DSC2: variants seen among roughly 807,000 people sequenced by gnomAD.
DSC2 encodes desmocollin 2.
DSC2 carries 51 observed loss-of-function variants against 87.6 expected under a neutral mutation model. The ratio of observed to expected loss-of-function variants is 0.58; its 90% CI spans 0.46 to 0.74. The LOEUF (loss-of-function observed/expected upper bound fraction) is 0.74. DSC2 is among the 30% of genes least tolerant of loss of function. DSC2 has a pLI of 0.00. For missense variants in DSC2, 1,066 were observed against 1,089.5 expected, an observed-to-expected ratio of 0.98 and a Z score of 0.30; for synonymous variants, 383 against 393.2, an observed-to-expected ratio of 0.97 and a Z score of 0.31.
chr18:31,081,652 C>G (rs1987223198), intron 9 of DSC2, among the ~76,000 whole-genome samples: 1 of 152,122 alleles, frequency 6.6e-6, no homozygotes, highest in Non-Finnish European at 1.5e-5. Flanking sequence ...AAAGATGCAG[C>G]AGAAATAAGT....
intron 12 of DSC2, among the ~76,000 whole-genome samples, chr18:31,072,863 T>G (rs1429076079): frequency 6.6e-6 from 1 of 152,212 alleles, no homozygotes; most frequent in African/African-American, 2.4e-5. Flanking sequence ...ATGGTTAACC[T>G]GTTAAGTCTA....
At chr18:31,090,439 G>A (rs1987552829) in intron 4 of DSC2, among the ~76,000 whole-genome samples, 1 of 152,228 alleles carries the variant, frequency 6.6e-6, no homozygotes, top group South Asian at 2.1e-4. Flanking sequence ...CAGAGAAAAA[G>A]AGCCAGGTAT....
rs1987447409 is a variant in DSC2, at chr18:31,087,698, G to T, written c.746C>A (p.Thr249Asn). 7 of 1,613,096 alleles carry T rather than the reference G, an allele frequency of 4.3e-6. No homozygotes were observed. Among genetic ancestry groups the T allele is most frequent in the Admixed American group, 1.7e-5 (1 of 59,988 alleles). Residue 249 changes from threonine (T) to asparagine (N), a missense_variant, in exon 6 of 16, where the codon ACT becomes AAT. Physicochemically the swap from Thr to Asn is moderately conservative, Grantham distance 65 (BLOSUM62 0). Coordinates refer to ENST00000280904, the MANE Select transcript of DSC2 (RefSeq NM_024422.6). ...TCTGCAATTTTCAAAAATTGTAAAA[G>T]TATAAGTTTCTTCTGTAAAAATTGG... is the stretch of plus-strand genomic sequence containing the variant. Reference protein sequence around the residue: ...NYPIFTEETYTFTIFENCRVG... With the variant: ...NYPIFTEETYNFTIFENCRVG...
Position 31,102,201 on chromosome 18 carries a change from G to A in DSC2, c.-230C>T. The stretch of plus-strand genomic sequence containing the variant: ...GGAGGGGCTCCAGACGCGTCCAAAA[G>A]ACACCGATCGGCCCCTCCTTGTTGT... On this transcript the variant is annotated 5_prime_UTR_variant, in exon 1 of 16. Transcript: ENST00000280904. 1 of 449,162 alleles carries A rather than the reference G, an allele frequency of 2.2e-6. No individual in the cohort carries two copies. Among genetic ancestry groups the A allele is most frequent in the Non-Finnish European group, 3.9e-6 (1 of 257,066 alleles). The allele number at this position is 449,162 out of a possible 1,614,324, so 27.8% of individuals were successfully genotyped here.
At chr18:31,087,592 T>C (rs1219096729) in intron 6 of DSC2, 77 bp downstream of exon 6, 9 of 1,510,140 alleles carry the variant, frequency 6.0e-6, no homozygotes, top group South Asian at 2.3e-5. Context: ...ACGCTGCTTC[T>C]CAACGGACAT....
At chr18:31,077,232 A>G (rs1288293199) in intron 11 of DSC2, among the ~76,000 whole-genome samples, 1 of 152,220 alleles carries the variant, frequency 6.6e-6, no homozygotes, top group African/African-American at 2.4e-5. Context: ...TATTTCATGT[A>G]TCTGGCATAT....
At chr18:31,097,522 C>A (rs1987800772) in intron 1 of DSC2, among the ~76,000 whole-genome samples, 1 of 151,446 alleles carries the variant, frequency 6.6e-6, no homozygotes, top group Non-Finnish European at 1.5e-5. Flanking sequence ...ATAAAATTTT[C>A]TCTGGAACTA....
intron 12 of DSC2, among the ~76,000 whole-genome samples, chr18:31,073,664 C>T (rs558956860): frequency 8.5e-5 from 13 of 152,234 alleles, no homozygotes; most frequent in African/African-American, 2.9e-4. Context: ...TCTAGAGTCA[C>T]GAAAGCTGGT....
At position 31,065,920 on chromosome 18, in the gene DSC2, G is replaced by C. The variant is rs906244354; in HGVS notation, c.*2095C>G. The C allele has an allele frequency of 1.3e-5, 2 of 152,264 alleles. No individual in the cohort carries two copies. The highest frequency in any genetic ancestry group is 3.9e-4 in the East Asian group (2 of 5,186). The allele number at this position is 152,264 out of a possible 1,614,324, so 9.4% of individuals were successfully genotyped here. ...TACAGTGAAAAGAAAAATCTTTTCA[G>C]TATCTTATTGTCTTAATTGACCTTT... is the stretch of plus-strand genomic sequence containing the variant. On this transcript the variant is annotated 3_prime_UTR_variant, in exon 16 of 16. Coordinates refer to ENST00000280904, the MANE Select transcript of DSC2 (RefSeq NM_024422.6).
intron 6 of DSC2, 72 bp from the exon 7 acceptor site, chr18:31,086,814 T>G: frequency 6.5e-7 from 1 of 1,531,272 alleles, no homozygotes; most frequent in Non-Finnish European, 8.9e-7. Flanking sequence ...TCATTCCTTT[T>G]CACCCACCTC....
Position 31,087,292 on chromosome 18 carries a change from C to T in DSC2, c.775+377G>A, listed in dbSNP as rs543032082. On this transcript the variant is annotated intron_variant, in intron 6 of 15. Coordinates refer to ENST00000280904, the MANE Select transcript of DSC2 (RefSeq NM_024422.6). ...ACATCCGTACATATCTTTAAGACTA[C>T]ATCTCCAATTAGTGAAAGACTTATT... is the stretch of plus-strand genomic sequence containing the variant. Among the ~76,000 whole-genome samples the T allele has an allele frequency of 2.6e-5, 4 of 152,302 alleles. No homozygotes were observed. In the South Asian group the frequency reaches 8.3e-4, roughly 32 times the overall value.
In DSC2 at chr18:31,087,748, T is replaced by G; in HGVS notation, c.696A>C (p.Lys232Asn). Residue 232 changes from lysine (K) to asparagine (N), a missense_variant, in exon 6 of 16, where the codon AAA becomes AAC. Physicochemically the swap from Lys to Asn is moderately conservative, Grantham distance 94. Transcript: ENST00000280904. ...GGTAGTTATCATTTTCATCCTCTATTTTGATTATTAGGGGCAGTGGAAGTT... is the reference window on the plus strand; with the variant it reads ...GGTAGTTATCATTTTCATCCTCTATGTTGATTATTAGGGGCAGTGGAAGTT... ...TPELPLPLII[K>N]IEDENDNYPI... The G allele has an allele frequency of 1.2e-6, 2 of 1,613,926 alleles. No homozygotes were observed. Among genetic ancestry groups the G allele is most frequent in the Non-Finnish European group, 1.7e-6 (2 of 1,179,880 alleles).
chr18:31,092,358 C>T, intron 2 of DSC2, 58 bp from the exon 3 acceptor site: 2 of 1,499,678 alleles, frequency 1.3e-6, no homozygotes, highest in Admixed American at 1.7e-5. Flanking sequence ...ATAGTTTTAA[C>T]AGTAATGTAT....
chr18:31,084,816 A>C, intron 7 of DSC2, among the ~76,000 whole-genome samples: 1 of 152,144 alleles, frequency 6.6e-6, no homozygotes, highest in Non-Finnish European at 1.5e-5. Context: ...TGGAGATTTC[A>C]AACAAAAATG....
In DSC2 at chr18:31,069,023, G is replaced by A. The variant is rs773813155; in HGVS notation, c.2379C>T (p.Thr793=). ...GGCCAGCCCCCCGGCAGGATTCCGA[G>A]GTCTGGTGTCCTCCTTTCACCATTT... is the stretch of plus-strand genomic sequence containing the variant. The part of the protein sequence containing the change: ...TIEMVKGGHQ[T]SESCRGAGHH... Residue 793 remains threonine, a synonymous_variant, in exon 15 of 16, where the codon ACC becomes ACT. Transcript: ENST00000280904. 2 of 1,613,878 alleles carry A rather than the reference G, an allele frequency of 1.2e-6. No homozygotes were observed. Among genetic ancestry groups the A allele is most frequent in the East Asian group, 4.5e-5 (2 of 44,862 alleles).
chr18:31,101,581 C>A, intron 1 of DSC2: 1 of 321,654 alleles, frequency 3.1e-6, no homozygotes, highest in Non-Finnish European at 5.5e-6. Flanking sequence ...CGCACTCCCG[C>A]CCCGGCGCAC....
intron 6 of DSC2, 47 bp from the exon 7 acceptor site, chr18:31,086,789 T>C: frequency 6.3e-7 from 1 of 1,580,562 alleles, no homozygotes; most frequent in Non-Finnish European, 8.6e-7. Flanking sequence ...TCACATGTTC[T>C]ATGTTCCCTT....
Position 31,092,213 on chromosome 18 carries a change from G to T in DSC2, c.242C>A (p.Thr81Lys). Residue 81 changes from threonine (T) to lysine (K), a missense_variant, in exon 3 of 16, where the codon ACA becomes AAA. Transcript: ENST00000280904. ...CGAGGACAATAGAATAGTATTTGTTGTATAGACTGAACCATCCTCCAAAAT... is the reference window on the plus strand; with the variant it reads ...CGAGGACAATAGAATAGTATTTGTTTTATAGACTGAACCATCCTCCAAAAT... The part of the protein sequence containing the change: ...FQILEDGSVY[T>K]TNTILLSSEK... The T allele has an allele frequency of 6.2e-7, 1 of 1,613,720 alleles. No homozygotes were observed. Among genetic ancestry groups the T allele is most frequent in the Non-Finnish European group, 8.5e-7 (1 of 1,179,772 alleles).
chr18:31,087,761 G>A lies in DSC2; in HGVS notation c.683C>T (p.Pro228Leu). 1 of 1,613,750 alleles carries A rather than the reference G, an allele frequency of 6.2e-7. No individual in the cohort carries two copies. Among genetic ancestry groups the A allele is most frequent in the Non-Finnish European group, 8.5e-7 (1 of 1,179,780 alleles). Reference sequence around the variant, plus strand: ...TTCATCCTCTATTTTGATTATTAGGGGCAGTGGAAGTTCTGGAGTATACCC... The same window carrying A: ...TTCATCCTCTATTTTGATTATTAGGAGCAGTGGAAGTTCTGGAGTATACCC... ...PDGYTPELPL[P>L]LIIKIEDEND... The change falls in exon 6 of 16, where the codon CCC becomes CTC. Residue 228 changes from proline to leucine, a missense_variant. Transcript: ENST00000280904.
Sources: allele counts gnomAD v4.1 joint callset (sites outside exome capture counted in the v4.1 genomes callset), GRCh38; gene constraint gnomAD v4.1.1; transcripts MANE v1.5; gene names NCBI Gene and HGNC (gene_info 2026-07-23, HGNC 2026-07-21).